Variants in EXD3 observed in about 807,000 individuals in gnomAD.
EXD3 encodes the protein exonuclease mut-7 homolog.
Under a neutral mutation model 98.0 loss-of-function variants are expected in EXD3, and 92 were observed. That is an observed-to-expected ratio of 0.94 (90% CI 0.79 to 1.12). The LOEUF (loss-of-function observed/expected upper bound fraction) is 1.12, where lower values mean the gene tolerates loss of function less well. EXD3 is among the 50% of genes most tolerant of loss of function. EXD3 has a pLI of 0.00. For missense variants in EXD3, 1,222 were observed against 1,191.6 expected, an observed-to-expected ratio of 1.03 and a Z score of -0.38; for synonymous variants, 569 against 526.0, an observed-to-expected ratio of 1.08 and a Z score of -1.12.
intron 3 of EXD3, among the ~76,000 whole-genome samples, chr9:137,382,196 G>A (rs1836346770): frequency 6.6e-6 from 1 of 152,026 alleles, no homozygotes; most frequent in Non-Finnish European, 1.5e-5. Context: ...GCGCGGAGGA[G>A]GTGAGGGCAC....
At chr9:137,400,527 A>T (rs928239303) in intron 1 of EXD3, among the ~76,000 whole-genome samples, 2 of 152,138 alleles carry the variant, frequency 1.3e-5, no homozygotes, top group African/African-American at 4.8e-5. Context: ...GCACTTTGGG[A>T]GGCCGAGGAG....
chr9:137,318,161 T>C (rs1831801615), intron 19 of EXD3, among the ~76,000 whole-genome samples: 1 of 152,170 alleles, frequency 6.6e-6, no homozygotes, highest in African/African-American at 2.4e-5. Context: ...GTGCTGAGTG[T>C]GAACGCTGGG....
rs114280627 is a variant in EXD3, at chr9:137,347,083, G to A, written c.1998+988C>T. 0.017 allele frequency among the ~76,000 whole-genome samples: 2,642 copies of A among 152,222 alleles called. 66 individuals carry two copies. Among genetic ancestry groups the A allele is most frequent in the African/African-American group, 0.053 (2,202 of 41,528 alleles). ...CCCGCCTCGGCCTCCCAGAGTGCAG[G>A]GATTACAGGCGTGAGCACCCAGCCT... On this transcript the variant is annotated intron_variant, in intron 17 of 21. Coordinates refer to ENST00000340951, the MANE Select transcript of EXD3 (RefSeq NM_017820.5). This position sits in a 1 kb window ranked among gnomAD's most constrained non-coding sequence, Gnocchi z 4.2.
At chr9:137,375,094 C>T (rs1003458949) in intron 3 of EXD3, among the ~76,000 whole-genome samples, 31 of 152,200 alleles carry the variant, frequency 2.0e-4, no homozygotes, top group Middle Eastern at 3.4e-3. Flanking sequence ...CTGCAAGCTC[C>T]GCCTCCCGGG....
At chr9:137,321,436 A>G (rs1439116416) in intron 19 of EXD3, among the ~76,000 whole-genome samples, 1 of 152,208 alleles carries the variant, frequency 6.6e-6, no homozygotes, top group African/African-American at 2.4e-5. Flanking sequence ...TCATCCCAGC[A>G]CTTTGGGAGG....
At position 137,323,714 on chromosome 9, in the gene EXD3, G is replaced by A. The variant is rs777122339; in HGVS notation, c.2184+11C>T. On this transcript the variant is annotated intron_variant, in intron 19 of 21. Coordinates refer to ENST00000340951, the MANE Select transcript of EXD3 (RefSeq NM_017820.5). Reference sequence around the variant, plus strand: ...GCCAGCCCCAGGTAGGACGGGGTGCGCAGGACCCACCTGGCAGCGGCTGAA... The same window carrying A: ...GCCAGCCCCAGGTAGGACGGGGTGCACAGGACCCACCTGGCAGCGGCTGAA... The A allele has an allele frequency of 1.9e-5, 30 of 1,610,948 alleles. No individual in the cohort carries two copies. In the Admixed American group the frequency reaches 4.3e-4, roughly 23 times the overall value.
intron 3 of EXD3, chr9:137,381,206 TTCGAGAACAGCCTGGCCAACATG>T (rs1461329108): frequency 1.4e-5 from 2 of 147,236 alleles, no homozygotes; most frequent in Non-Finnish European, 3.0e-5. Context: ...AGGTCAGGAG[TTCGAGAACAGCCTGGCCAACATG>T]GTGAAACTCC....
intron 7 of EXD3, among the ~76,000 whole-genome samples, chr9:137,356,988 C>T (rs1160629390): frequency 6.6e-6 from 1 of 152,188 alleles, no homozygotes; most frequent in Non-Finnish European, 1.5e-5. Context: ...GAGATGTGCA[C>T]CTCCAGGGTC....
At chr9:137,381,931 A>T (rs1836294882) in intron 3 of EXD3, among the ~76,000 whole-genome samples, 2 of 151,378 alleles carry the variant, frequency 1.3e-5, no homozygotes, top group Non-Finnish European at 2.9e-5. Flanking sequence ...CGCGAGGAGG[A>T]GGTGAGAGCA....
In EXD3 at chr9:137,349,588, C is replaced by T. The variant is rs1351121426; in HGVS notation, c.1495-57G>A. ...TCTGGCCCTGGCGGCAGCACAGTCACCGTGCCCACTCACACCAGCCCTGCG... is the reference window on the plus strand; with the variant it reads ...TCTGGCCCTGGCGGCAGCACAGTCATCGTGCCCACTCACACCAGCCCTGCG... On this transcript the variant is annotated intron_variant, in intron 14 of 21. Coordinates refer to ENST00000340951, the MANE Select transcript of EXD3 (RefSeq NM_017820.5). The surrounding 1 kb of genome is among the most constrained non-coding windows in gnomAD (Gnocchi z 7.4). 2.3e-5 allele frequency: 34 copies of T among 1,472,390 alleles called. No homozygotes were observed. Among genetic ancestry groups the T allele is most frequent in the African/African-American group, 9.9e-5 (7 of 70,872 alleles). The allele number at this position is 1,472,390 out of a possible 1,614,324, so 91.2% of individuals were successfully genotyped here.
intron 1 of EXD3, among the ~76,000 whole-genome samples, chr9:137,408,331 G>A (rs1837830889): frequency 6.6e-6 from 1 of 151,906 alleles, no homozygotes; most frequent in Non-Finnish European, 1.5e-5. Context: ...GGAGGATCAC[G>A]AGGTCAGGAG....
chr9:137,326,583 G>A (rs917357952), intron 17 of EXD3, among the ~76,000 whole-genome samples: 1 of 152,084 alleles, frequency 6.6e-6, no homozygotes, highest in African/African-American at 2.4e-5. Flanking sequence ...AAAGATATAC[G>A]CGTGGCCAAT....
rs1183953739 is a variant in EXD3 at position 137,309,655 on chromosome 9, T to C, written c.2230A>G (p.Lys744Glu). Residue 744 changes from lysine (K) to glutamate (E), a missense_variant, in exon 20 of 22, where the codon AAG (lysine) becomes GAG (glutamate). Transcript: ENST00000340951. ...QYLKVSRDMM[K>E]QLMWLSSHQE... is the part of the protein sequence containing the mutation. ...TGACTGCTGAGCCACATGAGCTGCT[T>C]CATCATGTCCCTGGAGACCTTTAGG... 1.9e-6 allele frequency: 3 copies of C among 1,562,078 alleles called. No homozygotes were observed. The Admixed American group carries it at 5.7e-5, about 30-fold the overall frequency.
intron 16 of EXD3, among the ~76,000 whole-genome samples, chr9:137,348,815 G>T (rs1834094059): frequency 6.6e-6 from 1 of 151,140 alleles, no homozygotes; most frequent in Non-Finnish European, 1.5e-5. Context: ...CACGGGGAGG[G>T]GGCTAGATGC....
intron 17 of EXD3, among the ~76,000 whole-genome samples, chr9:137,332,614 C>T (rs527329891): frequency 1.4e-4 from 21 of 151,926 alleles, no homozygotes; most frequent in South Asian, 4.2e-4. Flanking sequence ...GAGGCCAAGG[C>T]GGGCAGATCA....
chr9:137,355,770 CT>C (rs1834746168), intron 8 of EXD3, among the ~76,000 whole-genome samples: 1 of 150,398 alleles, frequency 6.6e-6, no homozygotes, highest in Admixed American at 6.6e-5. Flanking sequence ...AAAATTCAAA[CT>C]TCCGGCCAGG....
chr9:137,400,542 G>C (rs1378416903), intron 1 of EXD3, among the ~76,000 whole-genome samples: 1 of 152,064 alleles, frequency 6.6e-6, no homozygotes, highest in African/African-American at 2.4e-5. Context: ...GAGGAGGGTG[G>C]ATCACCTGAG....
At chr9:137,384,907 C>T (rs562989440) in intron 2 of EXD3, among the ~76,000 whole-genome samples, 11 of 152,158 alleles carry the variant, frequency 7.2e-5, no homozygotes, top group Non-Finnish European at 1.3e-4. Context: ...GCCTGGCCAA[C>T]GTGGTGAGAC....
intron 1 of EXD3, among the ~76,000 whole-genome samples, chr9:137,396,849 AC>A (rs1334169286): frequency 6.6e-6 from 1 of 152,164 alleles, no homozygotes; most frequent in Non-Finnish European, 1.5e-5. Flanking sequence ...ATCTTAGGAA[AC>A]CAGTTTCTGG....
Sources: gnomAD v4.1 joint callset for allele counts (sites outside exome capture counted in the v4.1 genomes callset) on GRCh38, gnomAD v4.1.1 for gene constraint, Gnocchi (gnomAD v3.1) non-coding constraint, MANE v1.5 for transcripts, NCBI Gene and HGNC (gene_info 2026-07-23, HGNC 2026-07-21) for gene names.